KDM2A: variants seen among roughly 807,000 people sequenced by gnomAD.
The protein encoded by KDM2A is lysine-specific demethylase 2A.
Under a neutral mutation model 137.3 loss-of-function variants are expected in KDM2A, and 3 were observed. The observed-to-expected ratio is 0.02, with a 90% CI of 0.01 to 0.06. The LOEUF is 0.06. Among genes scored for constraint, KDM2A ranks in the 10% least tolerant of loss-of-function variants. The pLI is 1.00. For missense variants in KDM2A, 738 were observed against 1,510.6 expected (o/e 0.49, Z 8.48); for synonymous variants, 512 against 541.5 (o/e 0.95, Z 0.76).
At chr11:67,215,674 GAAAA>G in intron 7 of KDM2A, 178 bp from the exon 8 acceptor site, 2 of 524,936 alleles carry the variant, frequency 3.8e-6, no homozygotes, top group South Asian at 2.4e-5. Flanking sequence ...CAATACGGTA[GAAAA>G]AAAAAAAACC....
At chr11:67,237,113 A>T (rs1466133373) in intron 12 of KDM2A, among the ~76,000 whole-genome samples, 4 of 152,222 alleles carry the variant, frequency 2.6e-5, no homozygotes, top group Non-Finnish European at 5.9e-5. Flanking sequence ...TTATTACTAC[A>T]ACATTATATA....
At chr11:67,194,603 G>A (rs1857435748) in intron 5 of KDM2A, among the ~76,000 whole-genome samples, 1 of 152,150 alleles carries the variant, frequency 6.6e-6, no homozygotes, top group Non-Finnish European at 1.5e-5. Flanking sequence ...CATTACATAG[G>A]CACCCAATAC....
chr11:67,149,374 A>G (rs1207353942), intron 2 of KDM2A, among the ~76,000 whole-genome samples: 1 of 152,210 alleles, frequency 6.6e-6, no homozygotes, highest in Non-Finnish European at 1.5e-5. Context: ...TGCTGTGCCA[A>G]CAGTGAGCTT....
At chr11:67,157,092 T>G (rs142315994) in intron 2 of KDM2A, among the ~76,000 whole-genome samples, 185 of 152,046 alleles carry the variant, frequency 1.2e-3, no homozygotes, top group African/African-American at 4.1e-3. Context: ...GAAGGGCCGA[T>G]CACGAGGTCA....
Position 67,256,978 on chromosome 11 carries a change from CTG to C in KDM2A, c.*1925_*1926del. On this transcript the variant is annotated 3_prime_UTR_variant, in exon 21 of 21. Transcript: ENST00000529006. ...GAGTGCCTCAGTTAGGGGAACTTCT[CTG>C]TAAAGAACCCTGGGTATTGAGCAAA... 6.5e-6 allele frequency: 1 copy of C among 152,752 alleles called. No homozygotes were observed. The highest frequency in any genetic ancestry group is 1.9e-4 in the East Asian group (1 of 5,182). 9.5% of individuals were successfully genotyped at this position (152,752 alleles called of 1,614,324 possible). A position where few individuals can be genotyped will look rare whatever the true frequency, so the allele number is the denominator to read the frequency against.
chr11:67,207,485 A>T (rs1447641744), intron 5 of KDM2A, 25 bp from the exon 6 acceptor site: 1 of 1,557,018 alleles, frequency 6.4e-7, no homozygotes, highest in East Asian at 2.3e-5. Context: ...CTCGATAGAG[A>T]TGATCGATGC....
At chr11:67,211,669 T>G (rs946305558) in intron 6 of KDM2A, among the ~76,000 whole-genome samples, 2 of 149,826 alleles carry the variant, frequency 1.3e-5, no homozygotes, top group Admixed American at 6.7e-5. Context: ...CTATTAGTAG[T>G]TCTTTTTTAA....
At chr11:67,209,560 C>T (rs1014100707) in intron 6 of KDM2A, among the ~76,000 whole-genome samples, 1 of 151,980 alleles carries the variant, frequency 6.6e-6, no homozygotes, top group Admixed American at 6.6e-5. Context: ...TCTCCCACCT[C>T]AGCCTCTCAA....
At chr11:67,165,863 G>T (rs1479623318) in intron 2 of KDM2A, among the ~76,000 whole-genome samples, 2 of 152,042 alleles carry the variant, frequency 1.3e-5, no homozygotes, top group African/African-American at 4.8e-5. Flanking sequence ...TTCCCCTTTA[G>T]ATTTACGGTC....
chr11:67,128,394 T>C (rs1428634178), intron 2 of KDM2A, among the ~76,000 whole-genome samples: 2 of 151,952 alleles, frequency 1.3e-5, no homozygotes, highest in Non-Finnish European at 2.9e-5. Context: ...CTTTTTTTTT[T>C]CTAGTATGAA....
At chr11:67,223,292 G>C (rs1304597750) in intron 10 of KDM2A, among the ~76,000 whole-genome samples, 7 of 151,918 alleles carry the variant, frequency 4.6e-5, no homozygotes, top group African/African-American at 1.5e-4. Flanking sequence ...TTGGGTATGT[G>C]GTATCTCTTG....
At chr11:67,160,098 C>T (rs1179250612) in intron 2 of KDM2A, among the ~76,000 whole-genome samples, 1 of 152,114 alleles carries the variant, frequency 6.6e-6, no homozygotes, top group Non-Finnish European at 1.5e-5. Flanking sequence ...TGCCTCTTCC[C>T]TGATAATTTT....
chr11:67,222,867 G>GT (rs1026661604), intron 10 of KDM2A, among the ~76,000 whole-genome samples: 1 of 149,898 alleles, frequency 6.7e-6, no homozygotes, highest in Non-Finnish European at 1.5e-5. Context: ...TGCATGAAGA[G>GT]TTTTCTACGT....
At chr11:67,152,942 GTGTGTGTGTGTT>G (rs1173706796) in intron 2 of KDM2A, among the ~76,000 whole-genome samples, 3 of 64,980 alleles carry the variant, frequency 4.6e-5, no homozygotes, top group Non-Finnish European at 1.2e-4. Flanking sequence ...GTGTGTGTGT[GTGTGTGTGTGTT>G]TTCAGGAATT....
At chr11:67,193,722 A>G (rs186241569) in intron 5 of KDM2A, among the ~76,000 whole-genome samples, 38 of 152,294 alleles carry the variant, frequency 2.5e-4, no homozygotes, top group African/African-American at 8.7e-4. Context: ...TTAGCCAGGC[A>G]TGGTGGCAGG....
intron 2 of KDM2A, among the ~76,000 whole-genome samples, chr11:67,156,104 T>C (rs1856509081): frequency 6.7e-6 from 1 of 149,588 alleles, no homozygotes; most frequent in Admixed American, 6.7e-5. Flanking sequence ...ACAAAATAGC[T>C]GTGCGTGGTG....
chr11:67,235,043 G>T (rs1304332448), intron 12 of KDM2A, among the ~76,000 whole-genome samples: 1 of 151,402 alleles, frequency 6.6e-6, no homozygotes, highest in Non-Finnish European at 1.5e-5. Flanking sequence ...TACTTGGGAG[G>T]CTGAGGCAGG....
chr11:67,168,963 T>G (rs1255752157), intron 2 of KDM2A, among the ~76,000 whole-genome samples: 2 of 146,394 alleles, frequency 1.4e-5, no homozygotes, highest in African/African-American at 5.1e-5. Flanking sequence ...TTTTTTTTTT[T>G]TTTTTTTTTT....
intron 2 of KDM2A, among the ~76,000 whole-genome samples, chr11:67,134,519 T>G (rs1473046896): frequency 6.6e-6 from 1 of 152,000 alleles, no homozygotes; most frequent in Non-Finnish European, 1.5e-5. Context: ...TTTATTTACT[T>G]TTTTTTTGAG....
Sources: gnomAD v4.1 joint callset for allele counts (sites outside exome capture counted in the v4.1 genomes callset) on GRCh38, gnomAD v4.1.1 for gene constraint, MANE v1.5 for transcripts, NCBI Gene and HGNC (gene_info 2026-07-23, HGNC 2026-07-21) for gene names.